The following CCDC93 variants were observed in gnomAD, a reference collection of about 807,000 sequenced individuals.
CCDC93 encodes coiled-coil domain-containing protein 93.
A neutral mutation model predicts 108.2 loss-of-function variants in CCDC93; 61 were observed. The observed-to-expected ratio is 0.56, with a 90% CI of 0.46 to 0.70. CCDC93 has a LOEUF of 0.70. CCDC93 is among the 30% of genes least tolerant of loss of function. The probability of loss-of-function intolerance (pLI) is 0.00; values close to 1 mark genes in which losing one functional copy is unlikely to be tolerated. For missense variants in CCDC93, 685 were observed against 764.2 expected (o/e 0.90, Z 1.22); for synonymous variants, 276 against 260.4 (o/e 1.06, Z -0.58).
At chr2:117,922,823 G>A (rs10182930) in intron 23 of CCDC93, among the ~76,000 whole-genome samples, 55,514 of 151,986 alleles carry the variant, frequency 0.37, 10,937 homozygotes, top group African/African-American at 0.49. Context: ...AAACAGAAAA[G>A]CAGCAGAACT....
chr2:117,937,060 A>G (rs1010528476), intron 20 of CCDC93, among the ~76,000 whole-genome samples: 31 of 152,348 alleles, frequency 2.0e-4, no homozygotes, highest in Admixed American at 3.3e-4. Context: ...CTCTCTAGGC[A>G]AACTGCCACC....
intron 1 of CCDC93, among the ~76,000 whole-genome samples, chr2:118,009,481 G>A (rs539405057): frequency 3.3e-5 from 5 of 152,238 alleles, no homozygotes; most frequent in East Asian, 1.9e-4. Context: ...GACCAGCCTG[G>A]CCAACATGGC....
At position 117,995,498 on chromosome 2, in the gene CCDC93, T is replaced by C; in HGVS notation, c.467A>G (p.Asp156Gly). Residue 156 changes from aspartate to glycine, a missense_variant, in exon 6 of 24, where the codon GAT becomes GGT. By Grantham distance (94) the Asp-to-Gly change is moderately conservative. Coordinates refer to ENST00000376300, the MANE Select transcript of CCDC93 (RefSeq NM_019044.5). ...CTTTTCTTTTCTCTTTATGAAGTCA[T>C]CATCCTACAAGACAAAACAGAGCGA... ...FQKTYSLPED[D>G]DFIKRKEKAI... is the part of the protein sequence containing the mutation. The C allele has an allele frequency of 1.9e-6, 3 of 1,612,928 alleles. No individual in the cohort carries two copies. Among genetic ancestry groups the C allele is most frequent in the Non-Finnish European group, 2.5e-6 (3 of 1,178,828 alleles).
intron 12 of CCDC93, among the ~76,000 whole-genome samples, chr2:117,953,295 A>G (rs182208342): frequency 6.9e-4 from 105 of 152,314 alleles, no homozygotes; most frequent in Middle Eastern, 6.8e-3. Context: ...ACTCCAATCT[A>G]GCTACTAGTC....
intron 22 of CCDC93, chr2:117,934,855 TG>T (rs2104720049): frequency 6.6e-6 from 1 of 152,258 alleles, no homozygotes; most frequent in East Asian, 1.9e-4. Context: ...AAGAGATATT[TG>T]GAGGTACTGT....
chr2:117,948,213 A>C (rs537775362), intron 14 of CCDC93, 27 bp from the exon 15 acceptor site: 1 of 1,529,328 alleles, frequency 6.5e-7, no homozygotes, highest in Non-Finnish European at 9.0e-7. Context: ...AAAAAATGAC[A>C]TATGGCAGGC....
chr2:117,936,643 C>G (rs1678534488), intron 21 of CCDC93, 59 bp downstream of exon 21: 7 of 1,343,638 alleles, frequency 5.2e-6, no homozygotes, highest in Non-Finnish European at 7.5e-6. Context: ...GTGAGGTGGG[C>G]TGAATTCAAA....
chr2:117,930,948 A>T (rs1678304237), intron 23 of CCDC93, 89 bp downstream of exon 23: 9 of 795,904 alleles, frequency 1.1e-5, no homozygotes, highest in Non-Finnish European at 1.9e-5. Flanking sequence ...CCAGAGGAAA[A>T]CCAAAAAACT....
chr2:117,957,040 G>A (rs189862445), intron 12 of CCDC93, among the ~76,000 whole-genome samples: 10 of 152,074 alleles, frequency 6.6e-5, no homozygotes, highest in South Asian at 4.1e-4. Context: ...ACAAGCAGGC[G>A]CCACCATGCC....
At chr2:117,998,571 A>T (rs1437431016) in intron 4 of CCDC93, among the ~76,000 whole-genome samples, 1 of 152,198 alleles carries the variant, frequency 6.6e-6, no homozygotes, top group Non-Finnish European at 1.5e-5. Flanking sequence ...GAAATTAAGA[A>T]ATTGTAACCA....
At chr2:117,952,688 C>G (rs1286511788) in intron 12 of CCDC93, among the ~76,000 whole-genome samples, 1 of 152,142 alleles carries the variant, frequency 6.6e-6, no homozygotes, top group East Asian at 1.9e-4. Flanking sequence ...AAAAAAGACA[C>G]TTTTCTTATT....
At position 117,947,146 on chromosome 2, in the gene CCDC93, G is replaced by A. The variant is rs143994506; in HGVS notation, c.1225-264C>T. On this transcript the variant is annotated intron_variant, in intron 15 of 23. Transcript: ENST00000376300. ...TACAGTAATCACTGGGCATTGAAAT[G>A]AACAAGTGATCTAGAGCCTAGTTCC... is the stretch of plus-strand genomic sequence containing the variant. Among the ~76,000 whole-genome samples, 379 of 152,292 alleles carry A rather than the reference G, an allele frequency of 2.5e-3. 3 individuals are homozygous for A. Among genetic ancestry groups the A allele is most frequent in the African/African-American group, 8.7e-3 (362 of 41,562 alleles).
At chr2:117,947,173 G>A (rs558387863) in intron 15 of CCDC93, among the ~76,000 whole-genome samples, 2 of 152,334 alleles carry the variant, frequency 1.3e-5, no homozygotes, top group African/African-American at 2.4e-5. Flanking sequence ...CCTAGTTCCA[G>A]TTAGTCTTGT....
intron 23 of CCDC93, among the ~76,000 whole-genome samples, chr2:117,922,990 T>A (rs532112606): frequency 2.0e-5 from 3 of 150,258 alleles, no homozygotes; most frequent in Non-Finnish European, 4.4e-5. Context: ...TTTTAAATTT[T>A]TGCCAAGTAA....
At chr2:118,009,787 C>T (rs906488233) in intron 1 of CCDC93, among the ~76,000 whole-genome samples, 3 of 152,034 alleles carry the variant, frequency 2.0e-5, no homozygotes, top group Admixed American at 6.6e-5. Flanking sequence ...TTTTCGATCT[C>T]GAAAACAAAT....
chr2:117,966,624 G>C (rs1051263216), intron 11 of CCDC93, among the ~76,000 whole-genome samples: 1 of 152,200 alleles, frequency 6.6e-6, no homozygotes, highest in Admixed American at 6.5e-5. Flanking sequence ...CATGATAGAT[G>C]GGGACAAGAT....
At chr2:117,966,437 T>A (rs1344055029) in intron 11 of CCDC93, among the ~76,000 whole-genome samples, 2 of 152,216 alleles carry the variant, frequency 1.3e-5, no homozygotes, top group African/African-American at 2.4e-5. Flanking sequence ...CCCCACTAAA[T>A]ACTTCCAGTT....
At chr2:117,955,109 T>C (rs77987611) in intron 12 of CCDC93, among the ~76,000 whole-genome samples, 2,027 of 152,336 alleles carry the variant, frequency 0.013, 48 homozygotes, top group African/African-American at 0.045. Context: ...ATAATAATAG[T>C]ACCTCCCCTT....
intron 23 of CCDC93, among the ~76,000 whole-genome samples, chr2:117,923,199 G>A (rs1012585539): frequency 2.0e-5 from 3 of 152,218 alleles, no homozygotes; most frequent in Non-Finnish European, 4.4e-5. Flanking sequence ...CGAGGCAGAA[G>A]ACGGGTGATG....
Sources: allele counts gnomAD v4.1 joint callset (sites outside exome capture counted in the v4.1 genomes callset), GRCh38; gene constraint gnomAD v4.1.1; transcripts MANE v1.5; gene names NCBI Gene and HGNC (gene_info 2026-07-23, HGNC 2026-07-21).